LEPR: variants seen among roughly 807,000 people sequenced by gnomAD.
LEPR encodes the protein OB receptor.
LEPR carries 56 observed loss-of-function variants against 114.7 expected under a neutral mutation model. The observed-to-expected ratio is 0.49, with a 90% CI of 0.39 to 0.61. LEPR has a LOEUF of 0.61. Among genes scored for constraint, LEPR ranks in the 20% least tolerant of loss-of-function variants. LEPR has a pLI of 0.00. For missense variants in LEPR, 1,202 were observed against 1,352.9 expected (o/e 0.89, Z 1.75); for synonymous variants, 443 against 461.4 (o/e 0.96, Z 0.51).
chr1:65,631,798 T>C (rs1557707605), intron 19 of LEPR, among the ~76,000 whole-genome samples: 1 of 152,226 alleles, frequency 6.6e-6, no homozygotes, highest in Non-Finnish European at 1.5e-5. Flanking sequence ...TTTCTTACTT[T>C]GTTTTGCACC....
chr1:65,437,887 GC>G (rs1282270082), intron 2 of LEPR, among the ~76,000 whole-genome samples: 2 of 102 alleles, frequency 0.02, no homozygotes, highest in African/African-American at 0.071. Flanking sequence ...ATGGCTCACT[GC>G]AAACCTTAAC....
At chr1:65,626,344 G>T in intron 19 of LEPR, 2 of 1,283,146 alleles carry the variant, frequency 1.6e-6, no homozygotes, top group Non-Finnish European at 2.0e-6. Context: ...TAATACAGTG[G>T]GTGTGAATGT....
chr1:65,426,979 A>G (rs962326221), intron 2 of LEPR, among the ~76,000 whole-genome samples: 1 of 149,026 alleles, frequency 6.7e-6, no homozygotes, highest in African/African-American at 2.5e-5. Flanking sequence ...GCCTGGCGAC[A>G]GAGCAAGACT....
chr1:65,565,453 A>G (rs867236731), intron 2 of LEPR, 93 bp from the exon 3 acceptor site: 47 of 1,228,234 alleles, frequency 3.8e-5, no homozygotes, highest in Non-Finnish European at 5.2e-5. Flanking sequence ...AGACTTATCT[A>G]TAATCCCTTT....
intron 2 of LEPR, among the ~76,000 whole-genome samples, chr1:65,452,262 C>A (rs528408423): frequency 6.6e-6 from 1 of 151,886 alleles, no homozygotes; most frequent in East Asian, 1.9e-4. Context: ...TAATTGAATA[C>A]CCTTTATTTC....
At chr1:65,427,741 A>G (rs907422617) in intron 2 of LEPR, 14 of 382,058 alleles carry the variant, frequency 3.7e-5, no homozygotes, top group African/African-American at 2.8e-4. Context: ...TACTACAAAT[A>G]AGTTTGTTTT....
rs1656073054 is a variant in LEPR at position 65,596,478 on chromosome 1, T to C, written c.734T>C (p.Met245Thr). 3 of 1,612,896 alleles carry C rather than the reference T, an allele frequency of 1.9e-6. No homozygotes were observed. The highest frequency in any genetic ancestry group is 2.5e-6 in the Non-Finnish European group (3 of 1,179,216). Reference sequence around the variant, plus strand: ...CCTGATCCACCATTAGGTTTGCATATGGAAATCACAGATGATGGTAATTTA... The same window carrying C: ...CCTGATCCACCATTAGGTTTGCATACGGAAATCACAGATGATGGTAATTTA... The part of the protein sequence containing the change: ...VKPDPPLGLH[M>T]EITDDGNLKI... The change falls in exon 7 of 20, where the codon ATG (methionine) becomes ACG (threonine). Residue 245 changes from methionine to threonine, a missense_variant. Coordinates refer to ENST00000349533, the MANE Select transcript of LEPR (RefSeq NM_002303.6).
intron 2 of LEPR, among the ~76,000 whole-genome samples, chr1:65,541,322 C>T (rs755178676): frequency 1.1e-4 from 17 of 152,130 alleles, no homozygotes; most frequent in Non-Finnish European, 2.5e-4. Context: ...TTTTAGATTA[C>T]ACCGTAGGTA....
At chr1:65,608,188 G>C (rs1167613781) in intron 11 of LEPR, among the ~76,000 whole-genome samples, 1 of 150,702 alleles carries the variant, frequency 6.6e-6, no homozygotes, top group African/African-American at 2.4e-5. Context: ...AAGTTCAATG[G>C]AGAACAGTTT....
rs1226626771 is a variant in LEPR, at chr1:65,598,095, C to CTTTTTTTTTTTTTTTTT, written c.850-561_850-545dup. Among the ~76,000 whole-genome samples the CTTTTTTTTTTTTTTTTT allele has an allele frequency of 6.1e-3, 615 of 101,392 alleles. 75 individuals are homozygous for CTTTTTTTTTTTTTTTTT. Among genetic ancestry groups the CTTTTTTTTTTTTTTTTT allele is most frequent in the African/African-American group, 0.019 (430 of 22,588 alleles). The allele number at this position is 101,392 out of a possible 152,430, so 66.5% of individuals were successfully genotyped here. A position where few individuals can be genotyped will look rare whatever the true frequency, so the allele number is the denominator to read the frequency against. On this transcript the variant is annotated intron_variant, in intron 7 of 19. Transcript: ENST00000349533. ...CTAGGCTCAAGTGATCCTCCTGCCT[C>CTTTTTTTTTTTTTTTTT]TTTTTTTTTTTTTTTTTTTTAAGAG...
chr1:65,455,256 A>G (rs1054534564), intron 2 of LEPR, among the ~76,000 whole-genome samples: 5 of 152,154 alleles, frequency 3.3e-5, no homozygotes, highest in Non-Finnish European at 5.9e-5. Flanking sequence ...TAGTAATTTG[A>G]TCGTCTGAAG....
At chr1:65,456,446 T>C (rs1646877526) in intron 2 of LEPR, among the ~76,000 whole-genome samples, 1 of 152,166 alleles carries the variant, frequency 6.6e-6, no homozygotes, top group East Asian at 1.9e-4. Context: ...TGGATTCATC[T>C]ATTTCTCTTT....
intron 2 of LEPR, among the ~76,000 whole-genome samples, chr1:65,534,526 GACATA>G (rs1650621976): frequency 6.6e-6 from 1 of 152,112 alleles, no homozygotes; most frequent in South Asian, 2.1e-4. Flanking sequence ...GTGCTTGTAA[GACATA>G]ACAGAGTGCA....
Position 65,598,530 on chromosome 1 carries a change from C to A in LEPR, c.850-130C>A, listed in dbSNP as rs542372180. Reference sequence around the variant, plus strand: ...TTGGTTATTGATGTTTGTTTTAATTCCGCTGTGGCCAGATAACTACTGTGT... The same window carrying A: ...TTGGTTATTGATGTTTGTTTTAATTACGCTGTGGCCAGATAACTACTGTGT... On this transcript the variant is annotated intron_variant, in intron 7 of 19. Transcript: ENST00000349533. 13 of 1,326,140 alleles carry A rather than the reference C, an allele frequency of 9.8e-6. No homozygotes were observed. In the South Asian group the frequency reaches 1.6e-4, roughly 17 times the overall value. 82.1% of individuals were successfully genotyped at this position (1,326,140 alleles called of 1,614,324 possible). A position where few individuals can be genotyped will look rare whatever the true frequency, so the allele number is the denominator to read the frequency against.
At chr1:65,434,310 T>C in intron 2 of LEPR, 4 of 984,756 alleles carry the variant, frequency 4.1e-6, no homozygotes, top group Non-Finnish European at 4.8e-6. Context: ...TTTTTTTCCT[T>C]ATAAAAGGCT....
At chr1:65,465,991 T>C (rs1647007033) in intron 2 of LEPR, among the ~76,000 whole-genome samples, 3 of 152,230 alleles carry the variant, frequency 2.0e-5, no homozygotes, top group Admixed American at 2.0e-4. Flanking sequence ...TTTGCCAGCC[T>C]GTGTCTTTTA....
At chr1:65,616,434 C>A (rs188659451) in intron 15 of LEPR, among the ~76,000 whole-genome samples, 83 of 152,164 alleles carry the variant, frequency 5.5e-4, no homozygotes, top group Admixed American at 2.4e-3. Flanking sequence ...TTTGGGAGAA[C>A]ATTGTTGTAA....
intron 2 of LEPR, among the ~76,000 whole-genome samples, chr1:65,444,803 G>A (rs1027385853): frequency 8.5e-5 from 13 of 152,116 alleles, no homozygotes; most frequent in African/African-American, 2.9e-4. Context: ...TTGCTTTATT[G>A]TTGTAATAAT....
intron 2 of LEPR, among the ~76,000 whole-genome samples, chr1:65,476,348 A>C (rs1440911687): frequency 6.6e-6 from 1 of 152,030 alleles, no homozygotes; most frequent in East Asian, 1.9e-4. Context: ...TTGAACAGTC[A>C]ACAAATATTT....
Sources: allele counts gnomAD v4.1 joint callset (sites outside exome capture counted in the v4.1 genomes callset), GRCh38; gene constraint gnomAD v4.1.1; transcripts MANE v1.5; gene names NCBI Gene and HGNC (gene_info 2026-07-23, HGNC 2026-07-21).